Variants in EIF4G3 observed in about 807,000 individuals in gnomAD.
EIF4G3 encodes the protein eukaryotic translation initiation factor 4 gamma 3.
In EIF4G3, 34 loss-of-function variants were observed where a neutral mutation model predicts 186.4. The observed-to-expected ratio is 0.18, with a 90% CI of 0.14 to 0.24. EIF4G3 has a LOEUF of 0.24. EIF4G3 is among the 10% of genes least tolerant of loss of function. EIF4G3 has a pLI of 1.00. For missense variants in EIF4G3, 1,536 were observed against 1,948.5 expected, an observed-to-expected ratio of 0.79 and a Z score of 3.99; for synonymous variants, 673 against 679.5, an observed-to-expected ratio of 0.99 and a Z score of 0.15.
Position 21,002,778 on chromosome 1 carries a change from G to A in EIF4G3, c.-36C>T. 6.2e-7 allele frequency: 1 copy of A among 1,613,288 alleles called. No homozygotes were observed. The highest frequency in any genetic ancestry group is 8.5e-7 in the Non-Finnish European group (1 of 1,179,460). Reference sequence around the variant, plus strand: ...GTTTGAGGGTATACCAGCGTGGTTGGACCTGCATTCTGTCCAGAGGGATAA... The same window carrying A: ...GTTTGAGGGTATACCAGCGTGGTTGAACCTGCATTCTGTCCAGAGGGATAA... On this transcript the variant is annotated 5_prime_UTR_variant, in exon 5 of 37. Coordinates refer to ENST00000602326, the MANE Select transcript of EIF4G3 (RefSeq NM_001391906.1).
intron 4 of EIF4G3, chr1:21,003,818 C>G (rs1337412934): frequency 1.3e-5 from 5 of 387,174 alleles, no homozygotes; most frequent in Non-Finnish European, 2.5e-5. Flanking sequence ...CCTTATCATG[C>G]CTCATCATCA....
intron 10 of EIF4G3, among the ~76,000 whole-genome samples, chr1:20,975,882 G>A (rs900101889): frequency 9.2e-5 from 14 of 151,604 alleles, no homozygotes; most frequent in South Asian, 4.2e-4. Flanking sequence ...AGACACCCAC[G>A]TACAGTAGTT....
intron 4 of EIF4G3, among the ~76,000 whole-genome samples, chr1:21,015,396 G>A (rs962195767): frequency 1.3e-5 from 2 of 151,866 alleles, no homozygotes; most frequent in South Asian, 2.1e-4. Context: ...TGAAGACATG[G>A]ATATATGATA....
At chr1:21,162,244 A>C (rs1350973959) in intron 2 of EIF4G3, among the ~76,000 whole-genome samples, 1 of 152,104 alleles carries the variant, frequency 6.6e-6, no homozygotes, top group Non-Finnish European at 1.5e-5. Context: ...AGAGGTCAGG[A>C]GTTCGAGCCC....
chr1:21,098,614 A>G (rs191542855), intron 2 of EIF4G3, among the ~76,000 whole-genome samples: 119 of 152,014 alleles, frequency 7.8e-4, no homozygotes, highest in African/African-American at 2.6e-3. Flanking sequence ...ACAAGACAAC[A>G]AACAACCTAA....
intron 24 of EIF4G3, among the ~76,000 whole-genome samples, chr1:20,858,336 G>A (rs2075539651): frequency 6.6e-6 from 1 of 152,042 alleles, no homozygotes; most frequent in Non-Finnish European, 1.5e-5. Context: ...AGCTGCACTG[G>A]CCCCCTTGCT....
At chr1:20,985,726 G>T (rs184353431) in intron 7 of EIF4G3, among the ~76,000 whole-genome samples, 1 of 152,116 alleles carries the variant, frequency 6.6e-6, no homozygotes, top group African/African-American at 2.4e-5. Flanking sequence ...ACTGAGTGAT[G>T]AACAATCATT....
chr1:20,892,061 G>A (rs1046292651), intron 18 of EIF4G3, among the ~76,000 whole-genome samples: 2 of 151,994 alleles, frequency 1.3e-5, no homozygotes, highest in African/African-American at 2.4e-5. Context: ...ATCACTGTTC[G>A]GTTGCAGGAA....
intron 17 of EIF4G3, among the ~76,000 whole-genome samples, chr1:20,893,962 C>T (rs533330956): frequency 2.6e-4 from 39 of 150,136 alleles, no homozygotes; most frequent in African/African-American, 9.6e-4. Flanking sequence ...ATCCTCTATA[C>T]TAGGGTCAAA....
intron 14 of EIF4G3, among the ~76,000 whole-genome samples, chr1:20,938,865 T>C (rs1463706573): frequency 6.6e-6 from 1 of 152,102 alleles, no homozygotes; most frequent in East Asian, 1.9e-4. Context: ...TCCCAGCACT[T>C]TGGGAGGCTG....
chr1:20,970,084 C>T (rs1316304191), intron 11 of EIF4G3, among the ~76,000 whole-genome samples: 1 of 152,098 alleles, frequency 6.6e-6, no homozygotes, highest in Non-Finnish European at 1.5e-5. Flanking sequence ...GTGCCTCAGC[C>T]TCCCGTGCCA....
intron 30 of EIF4G3, among the ~76,000 whole-genome samples, chr1:20,837,547 C>T (rs778407239): frequency 3.0e-4 from 46 of 152,248 alleles, no homozygotes; most frequent in Non-Finnish European, 5.9e-4. Flanking sequence ...ATTGGCTTGG[C>T]GAGCTAGGCA....
At chr1:20,872,885 C>T (rs532406090) in intron 20 of EIF4G3, among the ~76,000 whole-genome samples, 3 of 152,020 alleles carry the variant, frequency 2.0e-5, no homozygotes, top group South Asian at 2.1e-4. Context: ...TACAGGCATG[C>T]GCCACCATGC....
intron 14 of EIF4G3, among the ~76,000 whole-genome samples, chr1:20,920,265 G>T (rs993222415): frequency 6.6e-6 from 1 of 152,162 alleles, no homozygotes; most frequent in East Asian, 1.9e-4. Flanking sequence ...TTTAAAATAG[G>T]CAATTTATGT....
At chr1:21,141,601 G>A (rs886726176) in intron 2 of EIF4G3, among the ~76,000 whole-genome samples, 26 of 152,130 alleles carry the variant, frequency 1.7e-4, no homozygotes, top group African/African-American at 6.3e-4. Context: ...CTGTAGGAGA[G>A]AAATGGTGCA....
intron 4 of EIF4G3, among the ~76,000 whole-genome samples, chr1:21,046,689 T>C (rs773176066): frequency 2.1e-4 from 32 of 152,204 alleles, no homozygotes; most frequent in Non-Finnish European, 1.2e-4. Context: ...TATCCTCAGT[T>C]GACTGAATCT....
intron 4 of EIF4G3, among the ~76,000 whole-genome samples, chr1:21,038,089 C>T (rs922097753): frequency 3.9e-5 from 6 of 152,162 alleles, no homozygotes; most frequent in African/African-American, 1.4e-4. Flanking sequence ...CATTTTTGTA[C>T]TCTTTATAAT....
chr1:21,017,260 T>C (rs997666443), intron 4 of EIF4G3, among the ~76,000 whole-genome samples: 1 of 152,074 alleles, frequency 6.6e-6, no homozygotes, highest in African/African-American at 2.4e-5. Context: ...ACCGACACCA[T>C]GGCAAATCAC....
rs115365453 is a variant in EIF4G3 at position 21,085,332 on chromosome 1, G to A, written c.-196+3806C>T. On this transcript the variant is annotated intron_variant, in intron 3 of 36. Transcript: ENST00000602326. Reference sequence around the variant, plus strand: ...GACAATGATGCTGTTCTTTTGCATAGTACTTTTTGAAAAAACTATAAAAAA... The same window carrying A: ...GACAATGATGCTGTTCTTTTGCATAATACTTTTTGAAAAAACTATAAAAAA... 2.0e-3 allele frequency among the ~76,000 whole-genome samples: 305 copies of A among 152,196 alleles called. 2 individuals are homozygous for A. Among genetic ancestry groups the A allele is most frequent in the African/African-American group, 7.0e-3 (292 of 41,528 alleles).
Sources: allele counts gnomAD v4.1 joint callset (sites outside exome capture counted in the v4.1 genomes callset), GRCh38; gene constraint gnomAD v4.1.1; transcripts MANE v1.5; gene names NCBI Gene and HGNC (gene_info 2026-07-23, HGNC 2026-07-21).